The following LNX1 variants were observed in gnomAD, a reference collection of about 807,000 sequenced individuals.
LNX1 encodes E3 ubiquitin-protein ligase LNX.
LNX1 carries 54 observed loss-of-function variants against 68.4 expected under a neutral mutation model. The ratio of observed to expected loss-of-function variants is 0.79; its 90% CI spans 0.63 to 0.99. The LOEUF (loss-of-function observed/expected upper bound fraction) is 0.99, where lower values mean the gene tolerates loss of function less well. Among genes scored for constraint, LNX1 ranks in the 50% least tolerant of loss-of-function variants. LNX1 has a pLI of 0.00. For missense variants in LNX1, 906 were observed against 926.4 expected, an observed-to-expected ratio of 0.98 and a Z score of 0.29; for synonymous variants, 336 against 350.0, an observed-to-expected ratio of 0.96 and a Z score of 0.45.
At chr4:53,638,326 A>G (rs567567610) in intron 1 of LNX1, among the ~76,000 whole-genome samples, 183 of 152,350 alleles carry the variant, frequency 1.2e-3, no homozygotes, top group African/African-American at 4.1e-3. Flanking sequence ...AGACTGTACA[A>G]TATAGGTATA....
chr4:53,478,515 C>T lies in LNX1; in HGVS notation c.1663+50G>A, dbSNP rs763270316. The T allele has an allele frequency of 1.8e-5, 27 of 1,499,058 alleles. No homozygotes were observed. In the African/African-American group the frequency reaches 3.4e-4, roughly 19 times the overall value. 92.9% of individuals were successfully genotyped at this position (1,499,058 alleles called of 1,614,324 possible). On this transcript the variant is annotated intron_variant, in intron 8 of 10. Transcript: ENST00000263925. ...TAGTCACCTAACAAGCTACTAATTT[C>T]TCTTGATTCTCTGCCACCCCAGTGC...
chr4:53,495,377 G>A (rs1169968433), intron 6 of LNX1, among the ~76,000 whole-genome samples: 3 of 152,100 alleles, frequency 2.0e-5, no homozygotes, highest in Admixed American at 1.3e-4. Context: ...AGTTTGAACA[G>A]TCATGAACTC....
intron 9 of LNX1, among the ~76,000 whole-genome samples, chr4:53,473,195 C>T (rs1452250351): frequency 6.6e-6 from 1 of 152,090 alleles, no homozygotes. Context: ...AGAGATAAGA[C>T]TTCAAGGAAG....
intron 1 of LNX1, among the ~76,000 whole-genome samples, chr4:53,646,582 A>G (rs1405822927): frequency 6.6e-6 from 1 of 152,246 alleles, no homozygotes; most frequent in Non-Finnish European, 1.5e-5. Flanking sequence ...ATATAGGACC[A>G]ACATGGCCAG....
chr4:53,581,807 G>T (rs1369354), intron 1 of LNX1, among the ~76,000 whole-genome samples: 42,353 of 151,892 alleles, frequency 0.28, 6,077 homozygotes, highest in African/African-American at 0.34. Context: ...ACCATATCAC[G>T]CATCTTGTTT....
intron 2 of LNX1, among the ~76,000 whole-genome samples, chr4:53,541,227 T>TG (rs1370148157): frequency 6.7e-6 from 1 of 149,848 alleles, no homozygotes; most frequent in African/African-American, 2.5e-5. Context: ...CTCTAGTGAG[T>TG]GGGTGGAGGT....
At chr4:53,623,893 C>T (rs1337202469) in intron 1 of LNX1, among the ~76,000 whole-genome samples, 1 of 152,144 alleles carries the variant, frequency 6.6e-6, no homozygotes, top group Non-Finnish European at 1.5e-5. Context: ...TCTGTCTGCA[C>T]CTGAGCTCAA....
chr4:53,462,630 C>T (rs1463000136), intron 9 of LNX1, among the ~76,000 whole-genome samples: 1 of 152,118 alleles, frequency 6.6e-6, no homozygotes, highest in East Asian at 1.9e-4. Context: ...GTCAATGTGA[C>T]GTGACTTTTT....
At chr4:53,643,138 A>T (rs1242290313) in intron 1 of LNX1, among the ~76,000 whole-genome samples, 1 of 152,028 alleles carries the variant, frequency 6.6e-6, no homozygotes, top group Non-Finnish European at 1.5e-5. Flanking sequence ...TTGTTGAGTC[A>T]AGAAATCTTG....
chr4:53,491,273 G>GA (rs11305648), intron 6 of LNX1, among the ~76,000 whole-genome samples: 150 of 144,756 alleles, frequency 1.0e-3, no homozygotes, highest in Middle Eastern at 3.6e-3. Flanking sequence ...TTCAAAGTGA[G>GA]AAAAAAAAAA....
chr4:53,475,751 C>A (rs1451722882), intron 9 of LNX1, among the ~76,000 whole-genome samples: 3 of 152,134 alleles, frequency 2.0e-5, no homozygotes, highest in African/African-American at 7.2e-5. Context: ...CTGTACTGGC[C>A]ATTTTGTAGG....
chr4:53,645,071 C>T (rs1182051466), intron 1 of LNX1, among the ~76,000 whole-genome samples: 1 of 152,150 alleles, frequency 6.6e-6, no homozygotes, highest in Non-Finnish European at 1.5e-5. Context: ...AGGGCACAGC[C>T]AGGCAGTGTC....
intron 3 of LNX1, 88 bp downstream of exon 3, chr4:53,507,898 A>G (rs1289415912): frequency 6.7e-7 from 1 of 1,493,086 alleles, no homozygotes; most frequent in African/African-American, 1.4e-5. Context: ...CTTAAAAAAC[A>G]TTTACAGAAC....
chr4:53,607,220 CTT>C (rs770393681), intron 2 of LNX1, among the ~76,000 whole-genome samples: 25 of 152,300 alleles, frequency 1.6e-4, no homozygotes, highest in South Asian at 6.2e-4. Flanking sequence ...ATTCCATAGT[CTT>C]TGCCTAAAAG....
intron 2 of LNX1, among the ~76,000 whole-genome samples, chr4:53,535,041 T>C (rs376419969): frequency 6.6e-6 from 1 of 152,356 alleles, no homozygotes; most frequent in Admixed American, 6.5e-5. Flanking sequence ...TGGGAGATGT[T>C]TGTCATTTTG....
chr4:53,553,191 G>A (rs1729636923), intron 2 of LNX1, among the ~76,000 whole-genome samples: 1 of 152,192 alleles, frequency 6.6e-6, no homozygotes, highest in African/African-American at 2.4e-5. Context: ...ATAGCACTGA[G>A]TGGGGACACA....
At chr4:53,558,952 C>T (rs1730102333) in intron 2 of LNX1, among the ~76,000 whole-genome samples, 1 of 152,218 alleles carries the variant, frequency 6.6e-6, no homozygotes, top group African/African-American at 2.4e-5. Flanking sequence ...GACTTCTTTG[C>T]AGGCCTAAGC....
In LNX1 at chr4:53,496,295, T is replaced by G; in HGVS notation, c.1078A>C (p.Lys360Gln). 2 of 1,614,162 alleles carry G rather than the reference T, an allele frequency of 1.2e-6. No homozygotes were observed. The highest frequency in any genetic ancestry group is 1.7e-6 in the Non-Finnish European group (2 of 1,180,020). ...VLWLTVMREQ[K>Q]FRSRNNGQAP... ...TGTCCATTGTTCCTGCTGCGGAACT[T>G]CTGTTCACGCATCACAGTCAGCCAC... Residue 360 changes from lysine (K) to glutamine (Q), a missense_variant, in exon 6 of 11, where the codon AAG (lysine) becomes CAG (glutamine). Physicochemically the swap from Lys to Gln is moderately conservative, Grantham distance 53. Coordinates refer to ENST00000263925, the MANE Select transcript of LNX1 (RefSeq NM_001126328.3).
At chr4:53,595,217 A>G (rs1015981925), upstream of LNX1, among the ~76,000 whole-genome samples, 1 of 152,174 alleles carries the variant, frequency 6.6e-6, no homozygotes, top group Non-Finnish European at 1.5e-5. Flanking sequence ...ATCATAGCAG[A>G]TATCTGTTGG....
Sources: allele counts gnomAD v4.1 joint callset (sites outside exome capture counted in the v4.1 genomes callset), GRCh38; gene constraint gnomAD v4.1.1; transcripts MANE v1.5; gene names NCBI Gene and HGNC (gene_info 2026-07-23, HGNC 2026-07-21).